MCTP2: variants seen among roughly 807,000 people sequenced by gnomAD.
MCTP2 encodes multiple C2 and transmembrane domain containing 2.
A neutral mutation model predicts 111.6 loss-of-function variants in MCTP2; 132 were observed. That is an observed-to-expected ratio of 1.18 (90% CI 1.03 to 1.37). The LOEUF (loss-of-function observed/expected upper bound fraction) is 1.37. Ranked by LOEUF, MCTP2 falls within the 40% of genes most tolerant of loss-of-function variation. MCTP2 has a pLI of 0.00. For missense variants in MCTP2, 1,183 were observed against 1,067.9 expected (o/e 1.11, Z -1.50); for synonymous variants, 395 against 387.7 (o/e 1.02, Z -0.22).
At chr15:94,424,407 C>T (rs1040525911) in intron 17 of MCTP2, among the ~76,000 whole-genome samples, 16 of 151,916 alleles carry the variant, frequency 1.1e-4, no homozygotes, top group African/African-American at 3.4e-4. Context: ...AGCAATAGTT[C>T]CCAGTGAGGT....
intron 17 of MCTP2, among the ~76,000 whole-genome samples, chr15:94,427,301 A>G (rs1267896763): frequency 6.6e-6 from 1 of 152,148 alleles, no homozygotes; most frequent in Non-Finnish European, 1.5e-5. Context: ...AAACAAGTGT[A>G]TTAGTCCATT....
chr15:94,307,430 A>G (rs1303823233), intron 2 of MCTP2, among the ~76,000 whole-genome samples: 1 of 152,176 alleles, frequency 6.6e-6, no homozygotes, highest in African/African-American at 2.4e-5. Flanking sequence ...TAAAGGCCCC[A>G]GGGTAGCAGG....
intron 7 of MCTP2, among the ~76,000 whole-genome samples, chr15:94,344,221 C>G (rs1483683820): frequency 1.3e-5 from 2 of 152,140 alleles, no homozygotes; most frequent in Non-Finnish European, 2.9e-5. Flanking sequence ...AGTTGCTGGT[C>G]AATGCAATGT....
At chr15:94,319,454 G>T (rs543834699) in intron 4 of MCTP2, among the ~76,000 whole-genome samples, 1 of 152,306 alleles carries the variant, frequency 6.6e-6, no homozygotes, top group South Asian at 2.1e-4. Context: ...TAATGAAAAT[G>T]CACATCTCTG....
At chr15:94,244,994 A>T (rs1177683733) in intron 1 of MCTP2, among the ~76,000 whole-genome samples, 3 of 149,428 alleles carry the variant, frequency 2.0e-5, no homozygotes, top group Admixed American at 6.6e-5. Flanking sequence ...GCACCTGTTT[A>T]TATACGTATA....
chr15:94,361,207 T>C (rs1489176022), intron 10 of MCTP2, among the ~76,000 whole-genome samples: 1 of 150,082 alleles, frequency 6.7e-6, no homozygotes, highest in Non-Finnish European at 1.5e-5. Flanking sequence ...GGAGGCTCTC[T>C]GCTGGTGCAA....
intron 17 of MCTP2, among the ~76,000 whole-genome samples, chr15:94,420,585 A>T (rs1156938630): frequency 1.3e-5 from 2 of 152,148 alleles, no homozygotes; most frequent in Non-Finnish European, 2.9e-5. Flanking sequence ...GGAAGGGTGG[A>T]GTGGAAGAAG....
chr15:94,391,052 A>T (rs2080937470), intron 14 of MCTP2, among the ~76,000 whole-genome samples: 1 of 151,890 alleles, frequency 6.6e-6, no homozygotes, highest in African/African-American at 2.4e-5. Flanking sequence ...TTTGAATCAG[A>T]TGTGAGTCCT....
intron 20 of MCTP2, among the ~76,000 whole-genome samples, chr15:94,468,235 A>G (rs2073575610): frequency 6.6e-6 from 1 of 151,478 alleles, no homozygotes; most frequent in Admixed American, 6.5e-5. Context: ...AGTTTTTACA[A>G]TGTGCCAGAC....
chr15:94,408,716 C>T (rs1235034622), intron 17 of MCTP2, among the ~76,000 whole-genome samples: 1 of 152,106 alleles, frequency 6.6e-6, no homozygotes, highest in Non-Finnish European at 1.5e-5. Flanking sequence ...TTTATATTTT[C>T]AATTTTGTGA....
intron 19 of MCTP2, among the ~76,000 whole-genome samples, chr15:94,447,031 T>C (rs2084159503): frequency 6.6e-6 from 1 of 152,210 alleles, no homozygotes; most frequent in African/African-American, 2.4e-5. Context: ...CACAAATTAG[T>C]TTGTCATCAT....
intron 17 of MCTP2, among the ~76,000 whole-genome samples, chr15:94,424,918 A>T (rs924800669): frequency 6.6e-6 from 1 of 151,988 alleles, no homozygotes; most frequent in Non-Finnish European, 1.5e-5. Context: ...ATAAGCATTT[A>T]ATCTAGATAC....
chr15:94,339,229 G>A, intron 4 of MCTP2, 61 bp from the exon 5 acceptor site: 1 of 1,293,948 alleles, frequency 7.7e-7, no homozygotes, highest in South Asian at 1.5e-5. Flanking sequence ...TTTATTTAAT[G>A]AAAGTCCCAG....
At chr15:94,321,409 C>T (rs2076624727) in intron 4 of MCTP2, among the ~76,000 whole-genome samples, 1 of 152,054 alleles carries the variant, frequency 6.6e-6, no homozygotes, top group Admixed American at 6.6e-5. Context: ...TACGTGTACC[C>T]CATAAATATG....
intron 17 of MCTP2, among the ~76,000 whole-genome samples, chr15:94,412,802 G>A (rs1490327350): frequency 5.3e-5 from 8 of 151,560 alleles, no homozygotes; most frequent in South Asian, 2.1e-4. Context: ...GGAAATCACC[G>A]AGACCCTCAA....
At chr15:94,239,690 C>T (rs910784800) in intron 1 of MCTP2, among the ~76,000 whole-genome samples, 5 of 152,214 alleles carry the variant, frequency 3.3e-5, no homozygotes, top group Non-Finnish European at 5.9e-5. Flanking sequence ...ATTTCTTTCA[C>T]TCCCTTAAGC....
At position 94,317,491 on chromosome 15, in the gene MCTP2, G is replaced by A. The variant is rs973476838; in HGVS notation, c.637+1854G>A. The stretch of plus-strand genomic sequence containing the variant: ...CTGCTTATTTTCAGGTGCCTTTGCC[G>A]GGCATTGCTCAGCCTCAAGGCATAG... On this transcript the variant is annotated intron_variant, in intron 4 of 22. Transcript: ENST00000357742. Among the ~76,000 whole-genome samples, 11 of 152,270 alleles carry A rather than the reference G, an allele frequency of 7.2e-5. No homozygotes were observed. The South Asian group carries it at 1.4e-3, about 20-fold the overall frequency.
chr15:94,244,764 A>T (rs1167610795), intron 1 of MCTP2, among the ~76,000 whole-genome samples: 1 of 149,610 alleles, frequency 6.7e-6, no homozygotes, highest in Non-Finnish European at 1.5e-5. Flanking sequence ...CTATGTTTAT[A>T]TTCGTATATG....
chr15:94,244,201 CGT>C (rs2071491127), intron 1 of MCTP2, among the ~76,000 whole-genome samples: 1 of 141,524 alleles, frequency 7.1e-6, no homozygotes, highest in African/African-American at 2.6e-5. Flanking sequence ...TTTATATACA[CGT>C]GTATACACAT....
Sources: gnomAD v4.1 joint callset for allele counts (sites outside exome capture counted in the v4.1 genomes callset) on GRCh38, gnomAD v4.1.1 for gene constraint, MANE v1.5 for transcripts, NCBI Gene and HGNC (gene_info 2026-07-23, HGNC 2026-07-21) for gene names.